The following RBM47 variants were observed in gnomAD, a reference collection of about 807,000 sequenced individuals.
RBM47 encodes the protein RNA binding motif protein 47, also known as RNA-binding protein 47.
Under a neutral mutation model 47.1 loss-of-function variants are expected in RBM47, and 21 were observed. The observed-to-expected ratio is 0.45, with a 90% CI of 0.32 to 0.64. The LOEUF (loss-of-function observed/expected upper bound fraction) is 0.64, where lower values mean the gene tolerates loss of function less well. RBM47 is among the 30% of genes least tolerant of loss of function. RBM47 has a pLI of 0.05. For synonymous variants in RBM47, 375 were observed against 361.7 expected, an observed-to-expected ratio of 1.04 and a Z score of -0.42; for missense variants, 708 against 870.9, an observed-to-expected ratio of 0.81 and a Z score of 2.35.
chr4:40,611,456 G>A (rs898719101), intron 1 of RBM47, among the ~76,000 whole-genome samples: 3 of 152,066 alleles, frequency 2.0e-5, no homozygotes, highest in Non-Finnish European at 2.9e-5. Context: ...GGCCGGGCAC[G>A]GTGGCTCACG....
At chr4:40,630,803 C>T (rs992753963), upstream of RBM47, 1 of 152,130 alleles carries the variant, frequency 6.6e-6, no homozygotes, top group Non-Finnish European at 1.5e-5. Context: ...GTTAAGGAGC[C>T]TCCCGCATTT....
chr4:40,590,678 T>G (rs974629473), intron 1 of RBM47, among the ~76,000 whole-genome samples: 1 of 152,248 alleles, frequency 6.6e-6, no homozygotes. Flanking sequence ...AAATGTGATA[T>G]TGTCCATTAC....
At chr4:40,555,699 C>T (rs1478728958) in intron 1 of RBM47, among the ~76,000 whole-genome samples, 6 of 152,248 alleles carry the variant, frequency 3.9e-5, no homozygotes, top group Admixed American at 1.3e-4. Flanking sequence ...GCCATGCCTG[C>T]GGCCGCCACA....
chr4:40,486,276 T>C (rs1721076985), intron 2 of RBM47, among the ~76,000 whole-genome samples: 1 of 152,018 alleles, frequency 6.6e-6, no homozygotes. Context: ...AAACTACAAT[T>C]AGGAGTGTGT....
intron 1 of RBM47, among the ~76,000 whole-genome samples, chr4:40,566,833 C>G (rs1300694598): frequency 6.6e-6 from 1 of 151,896 alleles, no homozygotes; most frequent in Non-Finnish European, 1.5e-5. Flanking sequence ...GCGCTAAGAG[C>G]AGTAGCTACC....
At chr4:40,437,110 T>TATATATATATATATAA (rs1434102827) in intron 4 of RBM47, among the ~76,000 whole-genome samples, 2 of 59,656 alleles carry the variant, frequency 3.4e-5, no homozygotes, top group African/African-American at 1.9e-4. Context: ...TATATATATA[T>TATATATATATATATAA]AAAATACATA....
intron 1 of RBM47, among the ~76,000 whole-genome samples, chr4:40,568,168 G>A (rs1560474429): frequency 6.6e-6 from 1 of 151,756 alleles, no homozygotes; most frequent in Non-Finnish European, 1.5e-5. Flanking sequence ...CATGCCACCT[G>A]TAATCCCAGC....
chr4:40,445,660 G>C (rs1314437444), intron 3 of RBM47, among the ~76,000 whole-genome samples: 6 of 152,190 alleles, frequency 3.9e-5, no homozygotes, highest in Non-Finnish European at 8.8e-5. Context: ...TTACTGACCA[G>C]AGCCTGCTTC....
intron 1 of RBM47, among the ~76,000 whole-genome samples, chr4:40,569,007 A>ATAGT (rs1200929790): frequency 6.9e-6 from 1 of 145,874 alleles, no homozygotes; most frequent in African/African-American, 2.6e-5. Flanking sequence ...AGATAGATAG[A>ATAGT]TAGATAGATA....
In RBM47 at chr4:40,558,783, G is replaced by A. The variant is rs1283268858; in HGVS notation, c.-239-14277C>T. 4.0e-5 allele frequency among the ~76,000 whole-genome samples: 6 copies of A among 150,716 alleles called. No individual in the cohort carries two copies. The South Asian group carries it at 6.3e-4, about 16-fold the overall frequency. On this transcript the variant is annotated intron_variant, in intron 1 of 6. Coordinates refer to ENST00000295971, the MANE Select transcript of RBM47 (RefSeq NM_001098634.2). ...GCAGAGGTTGTAGTGGGCCGAGATC[G>A]TGCCACAGCACTCCAGCCTGGTCGA...
At chr4:40,529,805 G>A (rs1727186039) in intron 2 of RBM47, among the ~76,000 whole-genome samples, 1 of 145,786 alleles carries the variant, frequency 6.9e-6, no homozygotes, top group Non-Finnish European at 1.5e-5. Flanking sequence ...CTCCAGCCTG[G>A]GCAACAAAGC....
chr4:40,572,842 TAA>T (rs1176125594), intron 1 of RBM47, among the ~76,000 whole-genome samples: 1 of 151,684 alleles, frequency 6.6e-6, no homozygotes, highest in Non-Finnish European at 1.5e-5. Context: ...TACAATATAT[TAA>T]AATTCACCAC....
At chr4:40,467,295 C>CT (rs969519569) in intron 2 of RBM47, among the ~76,000 whole-genome samples, 1,501 of 145,202 alleles carry the variant, frequency 0.01, 15 homozygotes, top group African/African-American at 0.03. Flanking sequence ...AGGTAAGACT[C>CT]TTTTTTTTTT....
intron 3 of RBM47, among the ~76,000 whole-genome samples, chr4:40,443,693 G>C (rs1171599598): frequency 9.2e-6 from 1 of 108,938 alleles, no homozygotes; most frequent in East Asian, 2.7e-4. Flanking sequence ...CTCTAGCCTG[G>C]GCAACAAGAG....
intron 2 of RBM47, among the ~76,000 whole-genome samples, chr4:40,486,572 G>A (rs1384015991): frequency 1.3e-5 from 2 of 151,638 alleles, no homozygotes; most frequent in Non-Finnish European, 2.9e-5. Context: ...GCCAAAGTGG[G>A]TGATGACTTG....
intron 1 of RBM47, among the ~76,000 whole-genome samples, chr4:40,619,315 C>G (rs912394507): frequency 2.6e-5 from 4 of 152,138 alleles, no homozygotes; most frequent in Non-Finnish European, 5.9e-5. Context: ...GTAGTCCCAG[C>G]TTCTTGGGAG....
chr4:40,596,110 G>T lies in RBM47; in HGVS notation c.-240+33286C>A, dbSNP rs553206742. On this transcript the variant is annotated intron_variant, in intron 1 of 6. Transcript: ENST00000295971. The stretch of plus-strand genomic sequence containing the variant: ...AGACATGGGCAAAGCATGCTGCTAA[G>T]ATGAGAACTTTCAGGAGCAGGGACG... Among the ~76,000 whole-genome samples, 29 of 152,358 alleles carry T rather than the reference G, an allele frequency of 1.9e-4. No individual in the cohort carries two copies. The East Asian group carries it at 5.6e-3, about 29-fold the overall frequency.
chr4:40,561,843 C>T (rs1378465126), intron 1 of RBM47, among the ~76,000 whole-genome samples: 1 of 152,156 alleles, frequency 6.6e-6, no homozygotes, highest in East Asian at 1.9e-4. Flanking sequence ...AGCCACCTCG[C>T]CTGGCCTCCG....
At chr4:40,569,707 C>CCAAAAATATTTTTTGAAAATAAACA in intron 1 of RBM47, among the ~76,000 whole-genome samples, 1 of 145,446 alleles carries the variant, frequency 6.9e-6, no homozygotes, top group East Asian at 2.1e-4. Flanking sequence ...CCACGCCCGG[C>CCAAAAATATTTTTTGAAAATAAACA]TCTATTCTCA....
Sources: allele counts gnomAD v4.1 joint callset (sites outside exome capture counted in the v4.1 genomes callset), GRCh38; gene constraint gnomAD v4.1.1; transcripts MANE v1.5; gene names NCBI Gene and HGNC (gene_info 2026-07-23, HGNC 2026-07-21).